CACNA1I: variants seen among roughly 807,000 people sequenced by gnomAD.
The protein encoded by CACNA1I is voltage-dependent T-type calcium channel subunit alpha-1I.
In CACNA1I, 74 loss-of-function variants were observed where a neutral mutation model predicts 201.6. The observed-to-expected ratio is 0.37, with a 90% CI of 0.30 to 0.45. CACNA1I has a LOEUF of 0.45. Ranked by LOEUF, CACNA1I falls within the 20% of genes least tolerant of loss-of-function variation. The probability of loss-of-function intolerance (pLI) is 1.00; values close to 1 mark genes in which losing one functional copy is unlikely to be tolerated. For synonymous variants in CACNA1I, 1,431 were observed against 1,345.2 expected (o/e 1.06, Z -1.40); for missense variants, 2,346 against 3,138.1 (o/e 0.75, Z 6.03).
In CACNA1I at chr22:39,684,830, T is replaced by G; in HGVS notation, c.6027+332T>G. 2.1e-6 allele frequency: 1 copy of G among 481,166 alleles called. No homozygotes were observed. The highest frequency in any genetic ancestry group is 3.7e-6 in the Non-Finnish European group (1 of 269,576). 29.8% of individuals were successfully genotyped at this position (481,166 alleles called of 1,614,324 possible). A position where few individuals can be genotyped will look rare whatever the true frequency, so the allele number is the denominator to read the frequency against. ...GAGGTTTTGCAGGGTGGCGGGGTGC[T>G]GGCAGTGGGGAGGACACCCTGGGTG... On this transcript the variant is annotated intron_variant, in intron 36 of 36. Transcript: ENST00000402142. This position sits in a 1 kb window ranked among gnomAD's most constrained non-coding sequence, Gnocchi z 4.6.
chr22:39,596,730 C>A (rs1238843670), intron 1 of CACNA1I, among the ~76,000 whole-genome samples: 2 of 152,030 alleles, frequency 1.3e-5, no homozygotes, highest in East Asian at 3.9e-4. Flanking sequence ...GGGGCCAGGG[C>A]AGACCCAGGG....
chr22:39,579,645 G>A (rs935462628), intron 1 of CACNA1I, among the ~76,000 whole-genome samples: 13 of 120,010 alleles, frequency 1.1e-4, no homozygotes, highest in Non-Finnish European at 1.7e-4. Flanking sequence ...GCTCTTTCAA[G>A]CTCTTTTTTT....
intron 1 of CACNA1I, among the ~76,000 whole-genome samples, chr22:39,584,351 G>A (rs1193333064): frequency 1.3e-5 from 2 of 152,162 alleles, no homozygotes; most frequent in Admixed American, 6.5e-5. Flanking sequence ...CATGCTGGGG[G>A]AGAATTTAGT....
chr22:39,614,326 A>G (rs58608954), intron 3 of CACNA1I, among the ~76,000 whole-genome samples: 1,532 of 152,300 alleles, frequency 0.01, 31 homozygotes, highest in African/African-American at 0.035. Context: ...TACAAGCAGG[A>G]CCTAGAACCC....
intron 3 of CACNA1I, among the ~76,000 whole-genome samples, chr22:39,617,788 G>A (rs1455615463): frequency 1.4e-4 from 2 of 14,514 alleles, no homozygotes; most frequent in African/African-American, 2.8e-4. Context: ...CTCCTTTCCC[G>A]GCCCCTCCCC....
chr22:39,675,317 G>A (rs5757768), intron 29 of CACNA1I, among the ~76,000 whole-genome samples: 65,145 of 152,116 alleles, frequency 0.43, 15,824 homozygotes, highest in East Asian at 0.96. Context: ...CATTTAAGAG[G>A]CTGCTAGGGG....
At position 39,685,690 on chromosome 22, in the gene CACNA1I, G is replaced by T; in HGVS notation, c.6028-71G>T. On this transcript the variant is annotated intron_variant, in intron 36 of 36. Coordinates refer to ENST00000402142, the MANE Select transcript of CACNA1I (RefSeq NM_021096.4). This position sits in a 1 kb window ranked among gnomAD's most constrained non-coding sequence, Gnocchi z 5.0. ...GTCTGCCTGCTGCCTGCTGTGCGGG[G>T]GAGGGCGGCGTCCAGGTTGCTGGGG... The T allele has an allele frequency of 7.9e-7, 1 of 1,273,760 alleles. No individual in the cohort carries two copies. Among genetic ancestry groups the T allele is most frequent in the Non-Finnish European group, 1.0e-6 (1 of 980,922 alleles). The allele number at this position is 1,273,760 out of a possible 1,614,324, so 78.9% of individuals were successfully genotyped here.
chr22:39,671,213 T>C (rs1569094499), intron 26 of CACNA1I, among the ~76,000 whole-genome samples: 1 of 152,136 alleles, frequency 6.6e-6, no homozygotes, highest in Non-Finnish European at 1.5e-5. Flanking sequence ...GGCTTGCACA[T>C]GGGTGGCAAT....
chr22:39,640,055 T>C (rs961015742), intron 5 of CACNA1I, among the ~76,000 whole-genome samples: 2 of 152,108 alleles, frequency 1.3e-5, no homozygotes, highest in African/African-American at 4.8e-5. Flanking sequence ...ATGGTCATAG[T>C]AGGGATTGTT....
chr22:39,610,542 C>T (rs956735772), intron 3 of CACNA1I, among the ~76,000 whole-genome samples: 1 of 152,160 alleles, frequency 6.6e-6, no homozygotes, highest in Non-Finnish European at 1.5e-5. Context: ...CAGAGATTCT[C>T]TGGCCACAGG....
Position 39,659,376 on chromosome 22 carries a change from G to A in CACNA1I, c.2331-57G>A. ...CTGAGTTGACTGAGAATGAAACAAGGTGAGTAGGCAGTTTGGTGCATGTGA... is the reference window on the plus strand; with the variant it reads ...CTGAGTTGACTGAGAATGAAACAAGATGAGTAGGCAGTTTGGTGCATGTGA... On this transcript the variant is annotated intron_variant, in intron 12 of 36. Transcript: ENST00000402142. The surrounding 1 kb of genome is among the most constrained non-coding windows in gnomAD (Gnocchi z 4.3). 8.4e-7 allele frequency: 1 copy of A among 1,189,464 alleles called. No homozygotes were observed. Among genetic ancestry groups the A allele is most frequent in the South Asian group, 1.3e-5 (1 of 76,270 alleles). The allele number at this position is 1,189,464 out of a possible 1,614,324, so 73.7% of individuals were successfully genotyped here.
intron 1 of CACNA1I, among the ~76,000 whole-genome samples, chr22:39,581,491 C>T (rs575450187): frequency 2.0e-5 from 3 of 152,250 alleles, no homozygotes; most frequent in South Asian, 2.1e-4. Flanking sequence ...CTGAGTCACC[C>T]GTTTGACAGA....
Position 39,649,698 on chromosome 22 carries a change from G to A in CACNA1I, c.1765G>A (p.Ala589Thr). ...GAGCTCCGCTGGTGGCGAGGACGAG[G>A]CGGATGGGGACGGGGCCCGGAGCAG... ...SGSSAGGEDE[A>T]DGDGARSSED... The change falls in exon 10 of 37, where the codon GCG (alanine) becomes ACG (threonine). Residue 589 changes from alanine (A) to threonine (T), a missense_variant. Coordinates refer to ENST00000402142, the MANE Select transcript of CACNA1I (RefSeq NM_021096.4). The surrounding 1 kb of genome is among the most constrained non-coding windows in gnomAD (Gnocchi z 7.3). 3 of 1,521,228 alleles carry A rather than the reference G, an allele frequency of 2.0e-6. No individual in the cohort carries two copies. The highest frequency in any genetic ancestry group is 1.3e-5 in the South Asian group (1 of 77,836). 94.2% of individuals were successfully genotyped at this position (1,521,228 alleles called of 1,614,324 possible).
intron 1 of CACNA1I, among the ~76,000 whole-genome samples, chr22:39,590,677 C>A (rs975891597): frequency 6.6e-6 from 1 of 152,188 alleles, no homozygotes; most frequent in Non-Finnish European, 1.5e-5. Context: ...CAGTGCAGAT[C>A]CTGCCCCTGC....
intron 11 of CACNA1I, 111 bp downstream of exon 11, chr22:39,658,414 T>C: frequency 3.0e-6 from 3 of 994,580 alleles, no homozygotes; most frequent in Admixed American, 2.4e-5. Context: ...CCCGTTGCAC[T>C]GAAACAATTA....
chr22:39,647,870 G>T lies in CACNA1I; in HGVS notation c.1511G>T (p.Arg504Leu). The T allele has an allele frequency of 6.2e-7, 1 of 1,613,666 alleles. No homozygotes were observed. The highest frequency in any genetic ancestry group is 8.5e-7 in the Non-Finnish European group (1 of 1,179,788). The change falls in exon 9 of 37, where the codon CGG becomes CTG. Residue 504 changes from arginine (R) to leucine (L), a missense_variant. This residue lies in a region of CACNA1I where 312 missense variants were observed against 331.5 expected (regional missense o/e 0.94). Coordinates refer to ENST00000402142, the MANE Select transcript of CACNA1I (RefSeq NM_021096.4). ...QGDEGRHLGS[R>L]HCQTLHGPAS... is the part of the protein sequence containing the mutation. ...GATGAAGGGAGACATCTCGGAAGCC[G>T]GCATTGCCAGACTTTGCATGGGCCT...
intron 4 of CACNA1I, among the ~76,000 whole-genome samples, chr22:39,628,334 G>A (rs1457282957): frequency 6.6e-6 from 1 of 152,172 alleles, no homozygotes; most frequent in Non-Finnish European, 1.5e-5. Context: ...TCTGATCGGG[G>A]CAGGGGCTGA....
At chr22:39,599,139 G>A in intron 2 of CACNA1I, among the ~76,000 whole-genome samples, 1 of 148,150 alleles carries the variant, frequency 6.7e-6, no homozygotes, top group Non-Finnish European at 1.5e-5. Context: ...TAGTAGAGAC[G>A]GGGTTTCACC....
intron 6 of CACNA1I, among the ~76,000 whole-genome samples, chr22:39,642,589 A>G (rs1009377576): frequency 6.6e-6 from 1 of 152,142 alleles, no homozygotes; most frequent in East Asian, 1.9e-4. Flanking sequence ...TGGCTGTGTG[A>G]CAGTGGGCAA....
Sources: gnomAD v4.1 joint callset for allele counts (sites outside exome capture counted in the v4.1 genomes callset) on GRCh38, gnomAD v4.1.1 for gene constraint, gnomAD v4.1.1 regional missense constraint, Gnocchi (gnomAD v3.1) non-coding constraint, MANE v1.5 for transcripts, NCBI Gene and HGNC (gene_info 2026-07-23, HGNC 2026-07-21) for gene names.